The following BNC2 variants were observed in gnomAD, a reference collection of about 807,000 sequenced individuals.
BNC2 encodes basonuclin zinc finger protein 2.
BNC2 carries 20 observed loss-of-function variants against 76.3 expected under a neutral mutation model. The observed-to-expected ratio is 0.26, with a 90% confidence interval of 0.18 to 0.38. BNC2 has a LOEUF of 0.38. Among genes scored for constraint, BNC2 ranks in the 10% least tolerant of loss-of-function variants. The pLI is 1.00. For synonymous variants in BNC2, 582 were observed against 514.8 expected, an observed-to-expected ratio of 1.13 and a Z score of -1.77; for missense variants, 1,382 against 1,399.8, an observed-to-expected ratio of 0.99 and a Z score of 0.20.
intron 5 of BNC2, among the ~76,000 whole-genome samples, chr9:16,469,989 ATTC>A (rs747081544): frequency 9.4e-5 from 12 of 128,322 alleles, no homozygotes; most frequent in African/African-American, 2.9e-4. Context: ...TGCTAATGGC[ATTC>A]TTTTTTTTTT....
intron 5 of BNC2, among the ~76,000 whole-genome samples, chr9:16,459,630 C>G (rs1445490309): frequency 6.6e-6 from 1 of 152,152 alleles, no homozygotes; most frequent in Non-Finnish European, 1.5e-5. Context: ...GGCACCCACA[C>G]ACATAGCAAC....
At chr9:16,659,433 C>A (rs1225133895) in intron 3 of BNC2, among the ~76,000 whole-genome samples, 6 of 151,884 alleles carry the variant, frequency 4.0e-5, no homozygotes, top group Non-Finnish European at 2.9e-5. Context: ...CATGGTGAAA[C>A]CCCATCTCTA....
intron 3 of BNC2, among the ~76,000 whole-genome samples, chr9:16,707,687 G>T (rs1202380013): frequency 6.6e-6 from 1 of 152,110 alleles, no homozygotes; most frequent in Admixed American, 6.6e-5. Context: ...TGTTGCCCGG[G>T]CTGGAGTGCA....
At chr9:16,650,605 T>C (rs1821767262) in intron 3 of BNC2, among the ~76,000 whole-genome samples, 1 of 152,104 alleles carries the variant, frequency 6.6e-6, no homozygotes. Flanking sequence ...TGTTTATAAA[T>C]AATGGCATTT....
chr9:16,765,452 A>C (rs144049691), intron 1 of BNC2, among the ~76,000 whole-genome samples: 2 of 152,316 alleles, frequency 1.3e-5, no homozygotes, highest in Non-Finnish European at 2.9e-5. Flanking sequence ...AATATTATTA[A>C]ATCTGTTATT....
Position 16,552,517 on chromosome 9 carries a change from G to C in BNC2, c.669+13C>G. On this transcript the variant is annotated intron_variant, in intron 5 of 6. Transcript: ENST00000380672. ...GGCCCCGGACACGGGCGGCGTTCAAGTCCTCTCCCTACCTGAAGGATGTAT... is the reference window on the plus strand; with the variant it reads ...GGCCCCGGACACGGGCGGCGTTCAACTCCTCTCCCTACCTGAAGGATGTAT... 6.2e-7 allele frequency: 1 copy of C among 1,613,010 alleles called. No individual in the cohort carries two copies. Among genetic ancestry groups the C allele is most frequent in the South Asian group, 1.1e-5 (1 of 91,032 alleles).
At chr9:16,811,002 A>G (rs1818034357) in intron 1 of BNC2, among the ~76,000 whole-genome samples, 1 of 150,470 alleles carries the variant, frequency 6.6e-6, no homozygotes, top group Non-Finnish European at 1.5e-5. Context: ...GCAGATCTCA[A>G]GGTCAGGAGA....
chr9:16,492,060 T>A (rs1822290258), intron 5 of BNC2, among the ~76,000 whole-genome samples: 1 of 152,138 alleles, frequency 6.6e-6, no homozygotes, highest in South Asian at 2.1e-4. Flanking sequence ...ACCAGTGAAA[T>A]ACGATTGTAA....
chr9:16,473,051 A>G (rs534028896), intron 5 of BNC2: 18 of 152,370 alleles, frequency 1.2e-4, no homozygotes, highest in African/African-American at 4.1e-4. Flanking sequence ...CTGGGAGACT[A>G]CTTTGGAGCT....
intron 3 of BNC2, among the ~76,000 whole-genome samples, chr9:16,617,521 A>G (rs925346769): frequency 1.0e-4 from 9 of 87,968 alleles, no homozygotes; most frequent in African/African-American, 2.9e-4. Flanking sequence ...TTACGTACAG[A>G]TGGAGGAAAA....
chr9:16,604,223 CT>C (rs1025761773), intron 3 of BNC2, among the ~76,000 whole-genome samples: 1 of 152,132 alleles, frequency 6.6e-6, no homozygotes, highest in Non-Finnish European at 1.5e-5. Flanking sequence ...ATTAGAACCT[CT>C]TTCTCTCTCT....
intron 3 of BNC2, among the ~76,000 whole-genome samples, chr9:16,721,629 C>T (rs1824160339): frequency 6.6e-6 from 1 of 152,164 alleles, no homozygotes; most frequent in Non-Finnish European, 1.5e-5. Context: ...CGAATTATTT[C>T]TACACGCATA....
At chr9:16,759,800 T>C (rs2135370163) in intron 1 of BNC2, among the ~76,000 whole-genome samples, 1 of 151,810 alleles carries the variant, frequency 6.6e-6, no homozygotes, top group South Asian at 2.1e-4. Flanking sequence ...CCCGGCTCAC[T>C]GCCTGCTCCG....
rs561310111 is a variant in BNC2 at position 16,863,830 on chromosome 9, C to A, written c.3+6816G>T. The stretch of plus-strand genomic sequence containing the variant: ...CATATTTGAAAAGTTATTGGAGAAC[C>A]CCAAAAGAGTTTGGAAAACTGACAA... On this transcript the variant is annotated intron_variant, in intron 1 of 6. Coordinates refer to ENST00000380672, the MANE Select transcript of BNC2 (RefSeq NM_017637.6). Among the ~76,000 whole-genome samples, 9 of 152,048 alleles carry A rather than the reference C, an allele frequency of 5.9e-5. No individual in the cohort carries two copies. In the South Asian group the frequency reaches 1.9e-3, roughly 32 times the overall value.
chr9:16,447,906 C>T (rs1485185866), intron 5 of BNC2, among the ~76,000 whole-genome samples: 1 of 152,060 alleles, frequency 6.6e-6, no homozygotes, highest in Non-Finnish European at 1.5e-5. Flanking sequence ...CTCAATTAAA[C>T]CCTTTAATAG....
intron 1 of BNC2, among the ~76,000 whole-genome samples, chr9:16,844,661 G>A (rs1156913296): frequency 2.0e-5 from 3 of 152,036 alleles, no homozygotes; most frequent in Admixed American, 2.0e-4. Flanking sequence ...ACCACGCCCG[G>A]CTAATTTTTG....
chr9:16,750,171 A>G (rs967708921), intron 1 of BNC2, among the ~76,000 whole-genome samples: 1 of 152,136 alleles, frequency 6.6e-6, no homozygotes, highest in Non-Finnish European at 1.5e-5. Context: ...AAATAATTTT[A>G]GCTCTAAGGG....
In BNC2 at chr9:16,726,559, T is replaced by A. The variant is rs1269943866; in HGVS notation, c.330+1238A>T. 1.1e-3 allele frequency among the ~76,000 whole-genome samples: 114 copies of A among 102,412 alleles called. 10 individuals are homozygous for A. Among genetic ancestry groups the A allele is most frequent in the East Asian group, 1.5e-3 (7 of 4,682 alleles). 67.2% of individuals were successfully genotyped at this position (102,412 alleles called of 152,430 possible). ...TGAACTCTTACAAACAAAAGCTTTT[T>A]AAAAAAAAAAAAAAAAAAAGCAGTT... is the stretch of plus-strand genomic sequence containing the variant. On this transcript the variant is annotated intron_variant, in intron 3 of 6. Coordinates refer to ENST00000380672, the MANE Select transcript of BNC2 (RefSeq NM_017637.6).
At chr9:16,593,270 A>G (rs1819981484) in intron 3 of BNC2, among the ~76,000 whole-genome samples, 1 of 152,130 alleles carries the variant, frequency 6.6e-6, no homozygotes, top group African/African-American at 2.4e-5. Flanking sequence ...ATGAGTGTAA[A>G]TGTTTCTACA....
Sources: allele counts gnomAD v4.1 joint callset (sites outside exome capture counted in the v4.1 genomes callset), GRCh38; gene constraint gnomAD v4.1.1; transcripts MANE v1.5; gene names NCBI Gene and HGNC (gene_info 2026-07-23, HGNC 2026-07-21).